The following AK9 variants were observed in gnomAD, a reference collection of about 807,000 sequenced individuals.
The protein encoded by AK9 is adenylate kinase 9, also known as adenylate kinase domain containing 1.
Under a neutral mutation model 239.6 loss-of-function variants are expected in AK9, and 191 were observed. The observed-to-expected ratio is 0.80, with a 90% CI of 0.71 to 0.90. The LOEUF is 0.90. Among genes scored for constraint, AK9 ranks in the 40% least tolerant of loss-of-function variants. The pLI is 0.00. For missense variants in AK9, 1,995 were observed against 2,214.7 expected (o/e 0.90, Z 1.99); for synonymous variants, 689 against 721.0 (o/e 0.96, Z 0.71).
intron 35 of AK9, among the ~76,000 whole-genome samples, chr6:109,503,022 T>C (rs183443060): frequency 3.4e-4 from 52 of 152,014 alleles, no homozygotes; most frequent in African/African-American, 1.1e-3. Flanking sequence ...TTGGACTAAT[T>C]TGTTATGCAA....
At chr6:109,633,140 T>C in intron 11 of AK9, 37 bp from the exon 12 acceptor site, 1 of 1,564,254 alleles carries the variant, frequency 6.4e-7, no homozygotes, top group Non-Finnish European at 8.6e-7. Context: ...ACTGAAAAGA[T>C]GTATGAGGAA....
At chr6:109,529,745 C>T (rs912177327) in intron 28 of AK9, among the ~76,000 whole-genome samples, 2 of 152,136 alleles carry the variant, frequency 1.3e-5, no homozygotes, top group African/African-American at 4.8e-5. Context: ...ACCTAGATCC[C>T]TTGCATGCAC....
At chr6:109,511,541 G>T (rs569030821) in intron 32 of AK9, among the ~76,000 whole-genome samples, 2 of 152,308 alleles carry the variant, frequency 1.3e-5, no homozygotes, top group African/African-American at 4.8e-5. Flanking sequence ...TCCTGAGTGA[G>T]ACAACAGACA....
chr6:109,682,298 G>A (rs1772776683), intron 1 of AK9, among the ~76,000 whole-genome samples: 1 of 151,882 alleles, frequency 6.6e-6, no homozygotes, highest in Non-Finnish European at 1.5e-5. Context: ...GTGGTGGCGG[G>A]TGCCTGTAGT....
At chr6:109,596,546 A>C (rs1047377242) in intron 17 of AK9, among the ~76,000 whole-genome samples, 8 of 152,210 alleles carry the variant, frequency 5.3e-5, no homozygotes, top group African/African-American at 1.9e-4. Context: ...TGCTGCACCA[A>C]GATGTTTGCA....
intron 8 of AK9, among the ~76,000 whole-genome samples, chr6:109,648,853 G>A (rs1798490986): frequency 6.6e-6 from 1 of 152,132 alleles, no homozygotes; most frequent in Admixed American, 6.5e-5. Flanking sequence ...TAAAATACTG[G>A]CAAACCGAAT....
rs1771037070 is a variant in AK9 at position 109,672,302 on chromosome 6, T to G, written c.182-135A>C. 8 of 784,166 alleles carry G rather than the reference T, an allele frequency of 1.0e-5. No individual in the cohort carries two copies. In the South Asian group the frequency reaches 1.4e-4, roughly 14 times the overall value. The allele number at this position is 784,166 out of a possible 1,614,324, so 48.6% of individuals were successfully genotyped here. Reference sequence around the variant, plus strand: ...CTTTATAATTTACAATGCAAATGTATGCATATTACTTCACTTAAGCCTAAC... The same window carrying G: ...CTTTATAATTTACAATGCAAATGTAGGCATATTACTTCACTTAAGCCTAAC... On this transcript the variant is annotated intron_variant, in intron 3 of 40. Coordinates refer to ENST00000424296, the MANE Select transcript of AK9 (RefSeq NM_001145128.3).
intron 12 of AK9, among the ~76,000 whole-genome samples, chr6:109,625,493 C>T (rs567489754): frequency 2.9e-4 from 44 of 152,310 alleles, no homozygotes; most frequent in Admixed American, 8.5e-4. Flanking sequence ...AGGAGGTGAG[C>T]GGTCGATGAG....
At chr6:109,500,034 T>TACACACACAC (rs36086518) in intron 35 of AK9, among the ~76,000 whole-genome samples, 5,646 of 141,356 alleles carry the variant, frequency 0.04, 132 homozygotes, top group East Asian at 0.081. Flanking sequence ...ATATATATGA[T>TACACACACAC]ACACACACAC....
At chr6:109,590,568 A>C (rs1190984343) in intron 17 of AK9, among the ~76,000 whole-genome samples, 1 of 151,614 alleles carries the variant, frequency 6.6e-6, no homozygotes, top group African/African-American at 2.4e-5. Context: ...CTAGCTTTTG[A>C]TGTGGTTTGC....
intron 17 of AK9, among the ~76,000 whole-genome samples, chr6:109,603,434 C>T (rs1481619633): frequency 6.6e-6 from 1 of 152,294 alleles, no homozygotes; most frequent in Non-Finnish European, 1.5e-5. Context: ...CCTCTGGAAG[C>T]TTCGTCTCAG....
intron 9 of AK9, among the ~76,000 whole-genome samples, chr6:109,644,105 T>A (rs1025458154): frequency 3.9e-5 from 6 of 152,334 alleles, no homozygotes; most frequent in African/African-American, 1.4e-4. Context: ...CCTATCTTTA[T>A]CCCTAGAGCC....
At position 109,546,818 on chromosome 6, in the gene AK9, G is replaced by A. The variant is rs147111855; in HGVS notation, c.2965-691C>T. Among the ~76,000 whole-genome samples, 40 of 152,178 alleles carry A rather than the reference G, an allele frequency of 2.6e-4. 1 individual carries two copies. The East Asian group carries it at 3.3e-3, about 12-fold the overall frequency. On this transcript the variant is annotated intron_variant, in intron 25 of 40. Coordinates refer to ENST00000424296, the MANE Select transcript of AK9 (RefSeq NM_001145128.3). Reference sequence around the variant, plus strand: ...TTTAAATCACATTTTAAACCTCTCCGTGATAAAACTACCGGATTAACACTT... The same window carrying A: ...TTTAAATCACATTTTAAACCTCTCCATGATAAAACTACCGGATTAACACTT...
chr6:109,631,130 G>C (rs73527068), intron 12 of AK9, among the ~76,000 whole-genome samples: 1 of 151,872 alleles, frequency 6.6e-6, no homozygotes, highest in Non-Finnish European at 1.5e-5. Flanking sequence ...ATGTTTGGGC[G>C]GAAAAATTTT....
intron 21 of AK9, among the ~76,000 whole-genome samples, chr6:109,567,129 A>T (rs960508141): frequency 1.3e-5 from 2 of 152,342 alleles, no homozygotes; most frequent in Middle Eastern, 3.4e-3. Flanking sequence ...CAAAAAATCA[A>T]TGAATCCAGG....
intron 1 of AK9, among the ~76,000 whole-genome samples, chr6:109,684,699 C>T (rs1481240643): frequency 4.9e-3 from 642 of 130,290 alleles, no homozygotes; most frequent in Admixed American, 5.3e-3. Flanking sequence ...ATGGTGAAAC[C>T]CCGTCTCTAC....
chr6:109,616,624 A>C (rs1389807081), intron 13 of AK9, among the ~76,000 whole-genome samples: 1 of 151,776 alleles, frequency 6.6e-6, no homozygotes, highest in Non-Finnish European at 1.5e-5. Context: ...AGATCGTCCC[A>C]CTTTGGCTTC....
chr6:109,529,130 T>C (rs1780912179), intron 28 of AK9, 57 bp from the exon 29 acceptor site: 9 of 1,492,186 alleles, frequency 6.0e-6, no homozygotes, highest in Non-Finnish European at 8.0e-6. Flanking sequence ...AGTGGCTTTC[T>C]CTGTATTCAT....
intron 21 of AK9, among the ~76,000 whole-genome samples, chr6:109,569,792 G>A (rs1215718514): frequency 6.6e-6 from 1 of 152,152 alleles, no homozygotes; most frequent in Admixed American, 6.5e-5. Flanking sequence ...AGGTGCTGGA[G>A]AGGATGTGGA....
Sources: gnomAD v4.1 joint callset for allele counts (sites outside exome capture counted in the v4.1 genomes callset) on GRCh38, gnomAD v4.1.1 for gene constraint, MANE v1.5 for transcripts, NCBI Gene and HGNC (gene_info 2026-07-23, HGNC 2026-07-21) for gene names.